Variants in NAALADL2 observed in about 807,000 individuals in gnomAD.
NAALADL2 encodes the protein inactive N-acetylated-alpha-linked acidic dipeptidase-like protein 2.
A neutral mutation model predicts 87.2 loss-of-function variants in NAALADL2; 76 were observed. The observed-to-expected ratio is 0.87, with a 90% CI of 0.72 to 1.05. NAALADL2 has a LOEUF of 1.05. NAALADL2 is among the 50% of genes least tolerant of loss of function. NAALADL2 has a pLI of 0.00. For missense variants in NAALADL2, 1,089 were observed against 945.8 expected, an observed-to-expected ratio of 1.15 and a Z score of -1.99; for synonymous variants, 354 against 331.0, an observed-to-expected ratio of 1.07 and a Z score of -0.75.
At chr3:174,796,925 A>G (rs1324234469) in intron 3 of NAALADL2, among the ~76,000 whole-genome samples, 2 of 151,466 alleles carry the variant, frequency 1.3e-5, no homozygotes, top group Admixed American at 6.6e-5. Flanking sequence ...CACTCTGTTG[A>G]TTATTTGTTT....
At chr3:175,225,930 T>C (rs1310789121) in intron 2 of NAALADL2, among the ~76,000 whole-genome samples, 1 of 152,024 alleles carries the variant, frequency 6.6e-6, no homozygotes, top group Admixed American at 6.6e-5. Flanking sequence ...TAATACTGGA[T>C]TTTTTTTCTG....
intron 5 of NAALADL2, among the ~76,000 whole-genome samples, chr3:175,385,153 C>G (rs1157894245): frequency 6.6e-6 from 1 of 152,030 alleles, no homozygotes; most frequent in African/African-American, 2.4e-5. Context: ...CATAAATAGA[C>G]CACATTTGTC....
At chr3:174,981,434 C>G (rs1745093604) in intron 1 of NAALADL2, among the ~76,000 whole-genome samples, 1 of 152,082 alleles carries the variant, frequency 6.6e-6, no homozygotes, top group African/African-American at 2.4e-5. Context: ...CAAACATGGG[C>G]CAAAGATTTT....
chr3:175,279,388 C>T (rs954637376), intron 4 of NAALADL2, among the ~76,000 whole-genome samples: 2 of 152,084 alleles, frequency 1.3e-5, no homozygotes, highest in African/African-American at 4.8e-5. Flanking sequence ...AAAGATAAAC[C>T]ACCTTAATGT....
chr3:175,221,806 C>T (rs1036196345), intron 2 of NAALADL2, among the ~76,000 whole-genome samples: 3 of 142,034 alleles, frequency 2.1e-5, no homozygotes, highest in East Asian at 2.2e-4. Context: ...GATGGAGTCT[C>T]GCTCTGTCAC....
intron 11 of NAALADL2, among the ~76,000 whole-genome samples, chr3:175,716,148 TATATATA>T (rs906092799): frequency 2.0e-5 from 3 of 146,370 alleles, no homozygotes; most frequent in Non-Finnish European, 3.0e-5. Context: ...GAATACATGT[TATATATA>T]ATATATAATA....
intron 3 of NAALADL2, among the ~76,000 whole-genome samples, chr3:174,775,134 C>A (rs1200613132): frequency 4.6e-5 from 7 of 151,704 alleles, no homozygotes; most frequent in Non-Finnish European, 1.0e-4. Flanking sequence ...CTTTAATGAC[C>A]CTATTGAGAT....
chr3:175,187,745 ATATGGAACCAC>A (rs140251046), intron 2 of NAALADL2, among the ~76,000 whole-genome samples: 1,816 of 152,266 alleles, frequency 0.012, 22 homozygotes, highest in Non-Finnish European at 0.017. Context: ...CACCAGCAGA[ATATGGAACCAC>A]TCAGAAAGCA....
At chr3:175,710,530 G>A (rs539674179) in intron 11 of NAALADL2, among the ~76,000 whole-genome samples, 1 of 151,564 alleles carries the variant, frequency 6.6e-6, no homozygotes, top group Admixed American at 6.6e-5. Flanking sequence ...TCTACAGGAT[G>A]AGTAAGTAGT....
At chr3:174,620,683 T>A (rs1560098297) in intron 2 of NAALADL2, among the ~76,000 whole-genome samples, 4 of 152,042 alleles carry the variant, frequency 2.6e-5, no homozygotes. Context: ...AGGAAAATCT[T>A]GTAGGTACCA....
chr3:175,158,159 T>C (rs981820155), intron 2 of NAALADL2, among the ~76,000 whole-genome samples: 4 of 152,094 alleles, frequency 2.6e-5, no homozygotes, highest in Admixed American at 2.0e-4. Flanking sequence ...GTTTTGTGCC[T>C]ATTATGTGTA....
chr3:174,805,712 G>T (rs1719388459), intron 3 of NAALADL2, among the ~76,000 whole-genome samples: 2 of 152,052 alleles, frequency 1.3e-5, no homozygotes, highest in Admixed American at 1.3e-4. Flanking sequence ...GCCTGGAGGA[G>T]AATATTGGAG....
At chr3:174,833,734 C>A (rs1032024930) in intron 3 of NAALADL2, among the ~76,000 whole-genome samples, 2 of 151,908 alleles carry the variant, frequency 1.3e-5, no homozygotes, top group Non-Finnish European at 2.9e-5. Context: ...TTCCCAAATG[C>A]AAGTTTCATT....
chr3:174,669,403 G>C (rs1726304512), intron 2 of NAALADL2, among the ~76,000 whole-genome samples: 1 of 152,148 alleles, frequency 6.6e-6, no homozygotes, highest in Non-Finnish European at 1.5e-5. Context: ...AATCCATTTA[G>C]AGTCCAATTT....
At chr3:174,979,547 C>T (rs148986495) in intron 1 of NAALADL2, among the ~76,000 whole-genome samples, 2,189 of 151,906 alleles carry the variant, frequency 0.014, 35 homozygotes, top group African/African-American at 0.05. Flanking sequence ...CCTCGTGATC[C>T]GCCCGCCTCG....
intron 4 of NAALADL2, among the ~76,000 whole-genome samples, chr3:175,289,035 C>G (rs1201744105): frequency 6.6e-6 from 1 of 152,056 alleles, no homozygotes; most frequent in Non-Finnish European, 1.5e-5. Flanking sequence ...ATATTTGTTA[C>G]TTTTTCAAAA....
intron 1 of NAALADL2, among the ~76,000 whole-genome samples, chr3:174,542,120 ACT>A (rs1722297700): frequency 6.6e-6 from 1 of 152,106 alleles, no homozygotes; most frequent in South Asian, 2.1e-4. Context: ...GCATTTGTAA[ACT>A]CTCATGGTGC....
At chr3:175,161,268 A>C (rs1347798968) in intron 2 of NAALADL2, among the ~76,000 whole-genome samples, 1 of 152,114 alleles carries the variant, frequency 6.6e-6, no homozygotes, top group Admixed American at 6.6e-5. Flanking sequence ...AACAACAAAC[A>C]TTTACTGGAC....
intron 7 of NAALADL2, among the ~76,000 whole-genome samples, chr3:175,464,390 C>G (rs1723655942): frequency 1.3e-5 from 2 of 148,966 alleles, no homozygotes; most frequent in African/African-American, 5.0e-5. Context: ...TGCCACTGCT[C>G]TCTAGCCTGG....
Sources: allele counts gnomAD v4.1 joint callset (sites outside exome capture counted in the v4.1 genomes callset), GRCh38; gene constraint gnomAD v4.1.1; transcripts MANE v1.5; gene names NCBI Gene and HGNC (gene_info 2026-07-23, HGNC 2026-07-21).